Variants in ATAD1 observed in about 807,000 individuals in gnomAD.
ATAD1 encodes ATPase family AAA domain containing 1.
Under a neutral mutation model 42.7 loss-of-function variants are expected in ATAD1, and 18 were observed. The ratio of observed to expected loss-of-function variants is 0.42; its 90% CI spans 0.29 to 0.63. The LOEUF (loss-of-function observed/expected upper bound fraction) is 0.63, where lower values mean the gene tolerates loss of function less well. Among genes scored for constraint, ATAD1 ranks in the 20% least tolerant of loss-of-function variants. The pLI is 0.19. For synonymous variants in ATAD1, 132 were observed against 143.1 expected, an observed-to-expected ratio of 0.92 and a Z score of 0.55; for missense variants, 294 against 440.4, an observed-to-expected ratio of 0.67 and a Z score of 2.98.
At chr10:87,841,179 T>A (rs1013092472) in intron 1 of ATAD1, 1 of 152,218 alleles carries the variant, frequency 6.6e-6, no homozygotes, top group Non-Finnish European at 1.5e-5. Context: ...TTCTAAGTGT[T>A]AATGTACCTT....
rs1277399721 is a variant in ATAD1 at position 87,830,395 on chromosome 10, T to A, written c.-14+10792A>T. On this transcript the variant is annotated intron_variant, in intron 1 of 4. Transcript: ENST00000495903. The stretch of plus-strand genomic sequence containing the variant: ...TTTCTTGAATTTTGCCAATGGAGGT[T>A]TTACCTAACATGGCACCTTTTAGGA... 5.3e-5 allele frequency among the ~76,000 whole-genome samples: 8 copies of A among 152,196 alleles called. 1 individual carries two copies. The highest frequency in any genetic ancestry group is 5.2e-4 in the Admixed American group (8 of 15,282).
intron 4 of ATAD1, among the ~76,000 whole-genome samples, chr10:87,785,747 T>G (rs1855803440): frequency 6.6e-6 from 1 of 151,506 alleles, no homozygotes. Context: ...AAAAGAAATC[T>G]GCACCTGATT....
At chr10:87,785,934 A>C (rs1855813428) in intron 4 of ATAD1, among the ~76,000 whole-genome samples, 1 of 152,170 alleles carries the variant, frequency 6.6e-6, no homozygotes, top group East Asian at 1.9e-4. Flanking sequence ...GCTGACTTTT[A>C]AATTTAAATC....
intron 1 of ATAD1, among the ~76,000 whole-genome samples, chr10:87,823,823 G>T (rs1205520692): frequency 6.6e-6 from 1 of 152,060 alleles, no homozygotes; most frequent in Non-Finnish European, 1.5e-5. Flanking sequence ...AAAGTATTTA[G>T]AAAATAATAG....
chr10:87,770,706 C>G (rs1006536798), intron 7 of ATAD1, among the ~76,000 whole-genome samples: 1 of 152,044 alleles, frequency 6.6e-6, no homozygotes, highest in Non-Finnish European at 1.5e-5. Flanking sequence ...AAGTAAATCA[C>G]TAAAATAGCC....
chr10:87,761,088 A>C (rs1219444938), intron 8 of ATAD1, among the ~76,000 whole-genome samples: 4 of 152,116 alleles, frequency 2.6e-5, no homozygotes, highest in Non-Finnish European at 5.9e-5. Context: ...AAAAAACAAC[A>C]AAAAACCCTT....
intron 7 of ATAD1, among the ~76,000 whole-genome samples, chr10:87,769,279 C>T (rs1589475750): frequency 1.3e-5 from 2 of 152,128 alleles, no homozygotes; most frequent in Admixed American, 6.5e-5. Context: ...TTTTCAGCCT[C>T]CTCTCCATCT....
chr10:87,783,780 G>T (rs1209364478), intron 5 of ATAD1, among the ~76,000 whole-genome samples: 1 of 151,584 alleles, frequency 6.6e-6, no homozygotes, highest in Non-Finnish European at 1.5e-5. Context: ...TTTTGGAAAA[G>T]AATGAAATTA....
At chr10:87,814,779 T>C in intron 1 of ATAD1, 167 bp from the exon 2 acceptor site, 1 of 451,318 alleles carries the variant, frequency 2.2e-6, no homozygotes, top group Non-Finnish European at 3.6e-6. Context: ...GATTTTTAAA[T>C]GTTAAGTAAA....
intron 5 of ATAD1, among the ~76,000 whole-genome samples, chr10:87,784,066 A>G (rs868766503): frequency 1.3e-5 from 2 of 152,194 alleles, no homozygotes; most frequent in African/African-American, 4.8e-5. Context: ...CAACATGCTA[A>G]AAGATGCCCA....
At chr10:87,776,564 G>C (rs1855315324) in intron 5 of ATAD1, 137 bp from the exon 6 acceptor site, 5 of 607,084 alleles carry the variant, frequency 8.2e-6, no homozygotes, top group Admixed American at 2.9e-5. Flanking sequence ...GAACTCCCAG[G>C]CTTAAGTGAT....
chr10:87,757,938 T>C (rs1854298006), intron 8 of ATAD1, among the ~76,000 whole-genome samples: 1 of 152,164 alleles, frequency 6.6e-6, no homozygotes. Context: ...AACATGAGGG[T>C]TACATGAAGA....
intron 5 of ATAD1, among the ~76,000 whole-genome samples, chr10:87,779,109 A>AG (rs1855451768): frequency 6.6e-6 from 1 of 151,830 alleles, no homozygotes; most frequent in East Asian, 1.9e-4. Flanking sequence ...GACCAGCCTG[A>AG]CCAACATGGT....
At chr10:87,798,354 T>G (rs1413456910) in intron 2 of ATAD1, among the ~76,000 whole-genome samples, 1 of 152,200 alleles carries the variant, frequency 6.6e-6, no homozygotes, top group Admixed American at 6.5e-5. Context: ...ATGGCACCAC[T>G]ACTTGCCAGA....
chr10:87,764,464 A>AAAAC (rs899316828), intron 8 of ATAD1, among the ~76,000 whole-genome samples: 4 of 152,288 alleles, frequency 2.6e-5, no homozygotes, highest in East Asian at 1.9e-4. Flanking sequence ...TCCGTCACAA[A>AAAAC]AAACAAACAA....
intron 4 of ATAD1, among the ~76,000 whole-genome samples, chr10:87,787,277 G>C (rs1303699369): frequency 6.6e-6 from 1 of 152,072 alleles, no homozygotes; most frequent in Non-Finnish European, 1.5e-5. Flanking sequence ...TTTTAAGACG[G>C]ATGTTTTTGG....
intron 2 of ATAD1, among the ~76,000 whole-genome samples, chr10:87,806,394 TAAGAAC>T (rs1856926585): frequency 6.6e-6 from 1 of 152,176 alleles, no homozygotes; most frequent in African/African-American, 2.4e-5. Context: ...AATCCAGGTT[TAAGAAC>T]AAGAACATTA....
intron 2 of ATAD1, among the ~76,000 whole-genome samples, chr10:87,793,351 A>G (rs1331705511): frequency 6.6e-6 from 1 of 152,208 alleles, no homozygotes; most frequent in Non-Finnish European, 1.5e-5. Flanking sequence ...ACCAGCATTA[A>G]ACCTATGAGT....
At chr10:87,811,609 C>T (rs1260944151) in intron 2 of ATAD1, among the ~76,000 whole-genome samples, 1 of 152,122 alleles carries the variant, frequency 6.6e-6, no homozygotes, top group African/African-American at 2.4e-5. Context: ...ATTAGAATTT[C>T]TCAACAAATA....
Sources: allele counts gnomAD v4.1 joint callset (sites outside exome capture counted in the v4.1 genomes callset), GRCh38; gene constraint gnomAD v4.1.1; transcripts MANE v1.5; gene names NCBI Gene and HGNC (gene_info 2026-07-23, HGNC 2026-07-21).